ALOX5AP: variants seen among roughly 807,000 people sequenced by gnomAD.
ALOX5AP encodes the protein arachidonate 5-lipoxygenase activating protein.
Under a neutral mutation model 18.5 loss-of-function variants are expected in ALOX5AP, and 9 were observed. The observed-to-expected ratio is 0.49, with a 90% CI of 0.29 to 0.85. ALOX5AP has a LOEUF of 0.85. ALOX5AP is among the 40% of genes least tolerant of loss of function. The pLI is 0.08. For synonymous variants in ALOX5AP, 81 were observed against 78.6 expected (o/e 1.03, Z -0.16); for missense variants, 172 against 202.5 (o/e 0.85, Z 0.91).
chr13:30,721,552 G>A (rs1951594054), intron 1 of ALOX5AP, among the ~76,000 whole-genome samples: 2 of 151,940 alleles, frequency 1.3e-5, no homozygotes, highest in East Asian at 1.9e-4. Context: ...TAAGGCCATG[G>A]CCACCACCCT....
chr13:30,742,964 C>T (rs1002842717), intron 1 of ALOX5AP, among the ~76,000 whole-genome samples: 1 of 147,610 alleles, frequency 6.8e-6, no homozygotes, highest in African/African-American at 2.5e-5. Context: ...CAATTCCTAT[C>T]TTATCCCCCT....
At chr13:30,745,090 C>T (rs1475563497) in intron 2 of ALOX5AP, among the ~76,000 whole-genome samples, 1 of 152,200 alleles carries the variant, frequency 6.6e-6, no homozygotes, top group Non-Finnish European at 1.5e-5. Flanking sequence ...GCTGCTGGCA[C>T]CATGGGAGGG....
chr13:30,762,881 G>A (rs1331826268), intron 4 of ALOX5AP, among the ~76,000 whole-genome samples: 2 of 152,190 alleles, frequency 1.3e-5, no homozygotes, highest in African/African-American at 4.8e-5. Flanking sequence ...GGCCAGCCAT[G>A]GAGGCAGTCA....
intron 4 of ALOX5AP, 27 bp from the exon 5 acceptor site, chr13:30,763,917 A>G (rs1951967353): frequency 1.2e-6 from 2 of 1,606,482 alleles, no homozygotes; most frequent in Non-Finnish European, 8.5e-7. Context: ...CACTGCATCT[A>G]CAGTTTTCTT....
intron 1 of ALOX5AP, among the ~76,000 whole-genome samples, chr13:30,735,920 T>G: frequency 6.6e-6 from 1 of 152,388 alleles, no homozygotes. Context: ...GAGCCAGGGC[T>G]GCAACTTGAA....
intron 4 of ALOX5AP, among the ~76,000 whole-genome samples, chr13:30,759,504 A>C (rs1264818984): frequency 6.6e-6 from 1 of 152,222 alleles, no homozygotes; most frequent in Non-Finnish European, 1.5e-5. Context: ...AACAGTGAAC[A>C]TGACGGAGTC....
intron 1 of ALOX5AP, among the ~76,000 whole-genome samples, chr13:30,729,586 T>A (rs139039888): frequency 6.6e-5 from 10 of 151,396 alleles, no homozygotes; most frequent in Admixed American, 2.0e-4. Flanking sequence ...ATTTTTTTTT[T>A]TTTTTTTTTA....
At chr13:30,732,065 G>T (rs74043542), upstream of ALOX5AP, among the ~76,000 whole-genome samples, 1,119 of 152,354 alleles carry the variant, frequency 7.3e-3, 15 homozygotes, top group African/African-American at 0.025. Flanking sequence ...GGCCGTCTCG[G>T]CTATTAACAC....
upstream of ALOX5AP, among the ~76,000 whole-genome samples, chr13:30,735,303 G>T (rs935920492): frequency 1.3e-5 from 2 of 152,006 alleles, no homozygotes; most frequent in Non-Finnish European, 2.9e-5. Flanking sequence ...ATTCATTCTG[G>T]AGACTCTCAG....
At chr13:30,713,635 G>T in exon 1 of ALOX5AP, 2 of 920,774 alleles carry the variant, frequency 2.2e-6, no homozygotes, top group Admixed American at 4.2e-5. Context: ...TTTTTGAAGA[G>T]GAGGACCCTG....
intron 4 of ALOX5AP, among the ~76,000 whole-genome samples, chr13:30,757,366 C>G (rs1233402036): frequency 6.6e-6 from 1 of 152,184 alleles, no homozygotes; most frequent in Non-Finnish European, 1.5e-5. Flanking sequence ...GTTCTTTCAG[C>G]AGATCCTTCC....
At chr13:30,740,079 C>A (rs2137807158) in intron 1 of ALOX5AP, among the ~76,000 whole-genome samples, 1 of 152,308 alleles carries the variant, frequency 6.6e-6, no homozygotes, top group African/African-American at 2.4e-5. Flanking sequence ...AAGTCCCTTG[C>A]CACTGGGTCT....
At chr13:30,723,306 A>G (rs1378944158) in intron 1 of ALOX5AP, among the ~76,000 whole-genome samples, 1 of 152,154 alleles carries the variant, frequency 6.6e-6, no homozygotes, top group Admixed American at 6.6e-5. Flanking sequence ...GTCTAGATTC[A>G]TTTTTTTGCA....
At chr13:30,743,909 T>C (rs1951787427) in intron 1 of ALOX5AP, 151 bp from the exon 2 acceptor site, 3 of 634,464 alleles carry the variant, frequency 4.7e-6, no homozygotes, top group Non-Finnish European at 8.6e-6. Flanking sequence ...AGCTGCTGAG[T>C]ACGTTTCTGC....
In ALOX5AP at chr13:30,764,106, A is replaced by G. The variant is rs146113298; in HGVS notation, c.486A>G (p.Ter162=). 56 of 1,613,084 alleles carry G rather than the reference A, an allele frequency of 3.5e-5. 1 individual carries two copies. Among genetic ancestry groups the G allele is most frequent in the African/African-American group, 6.7e-5 (5 of 74,790 alleles). The change falls in exon 5 of 5, where the codon TAA becomes TAG. Residue 162 remains the stop codon, a stop_retained_variant. Coordinates refer to ENST00000380490, the MANE Select transcript of ALOX5AP (RefSeq NM_001629.4). ...TCTCCCCTCTACTTCTCATTCCCTAACTCTCTGCTGAATATGGGGTTGGTG... is the reference window on the plus strand; with the variant it reads ...TCTCCCCTCTACTTCTCATTCCCTAGCTCTCTGCTGAATATGGGGTTGGTG... ...TTISPLLLIP[*] is the part of the protein sequence containing the mutation.
intron 4 of ALOX5AP, among the ~76,000 whole-genome samples, chr13:30,759,432 T>C (rs192180322): frequency 6.6e-6 from 1 of 152,256 alleles, no homozygotes; most frequent in East Asian, 1.9e-4. Context: ...TCACTCAACA[T>C]TGATTCAGTA....
At chr13:30,725,852 G>A (rs1951635586) in intron 1 of ALOX5AP, among the ~76,000 whole-genome samples, 1 of 152,222 alleles carries the variant, frequency 6.6e-6, no homozygotes, top group African/African-American at 2.4e-5. Flanking sequence ...AGTGAAGCAG[G>A]TGGCCAGATT....
At chr13:30,749,047 C>T (rs1416025483) in intron 2 of ALOX5AP, among the ~76,000 whole-genome samples, 1 of 152,206 alleles carries the variant, frequency 6.6e-6, no homozygotes, top group Non-Finnish European at 1.5e-5. Context: ...TGGCTTGAGC[C>T]AGAGCCAGGA....
intron 2 of ALOX5AP, 67 bp from the exon 3 acceptor site, chr13:30,751,985 A>G: frequency 1.4e-6 from 2 of 1,432,504 alleles, no homozygotes; most frequent in Non-Finnish European, 2.0e-6. Context: ...ACTTTCAGGT[A>G]ATTTTCAGAC....
Sources: gnomAD v4.1 joint callset for allele counts (sites outside exome capture counted in the v4.1 genomes callset) on GRCh38, gnomAD v4.1.1 for gene constraint, MANE v1.5 for transcripts, NCBI Gene and HGNC (gene_info 2026-07-23, HGNC 2026-07-21) for gene names.